Variants in CPEB2 observed in about 807,000 individuals in gnomAD.
CPEB2 encodes the protein cytoplasmic polyadenylation element binding protein 2, also known as cytoplasmic polyadenylation element-binding protein 2.
A neutral mutation model predicts 93.6 loss-of-function variants in CPEB2; 56 were observed. That is an observed-to-expected ratio of 0.60 (90% CI 0.48 to 0.75). CPEB2 has a LOEUF of 0.75. Among genes scored for constraint, CPEB2 ranks in the 30% least tolerant of loss-of-function variants. The pLI, the probability that CPEB2 is intolerant of heterozygous loss-of-function variation, is 0.00. For synonymous variants in CPEB2, 764 were observed against 586.3 expected, an observed-to-expected ratio of 1.30 and a Z score of -4.38; for missense variants, 1,579 against 1,395.1, an observed-to-expected ratio of 1.13 and a Z score of -2.10.
At chr4:15,051,971 T>G (rs907406495) in intron 6 of CPEB2, among the ~76,000 whole-genome samples, 3 of 152,246 alleles carry the variant, frequency 2.0e-5, no homozygotes, top group Non-Finnish European at 2.9e-5. Flanking sequence ...CAAGTATTAC[T>G]TGTTCTCCTC....
chr4:15,047,794 C>G (rs1056479824), intron 6 of CPEB2, among the ~76,000 whole-genome samples: 1 of 151,784 alleles, frequency 6.6e-6, no homozygotes, highest in Admixed American at 6.6e-5. Context: ...AACATCCTTC[C>G]AAACCTTCAA....
intron 4 of CPEB2, chr4:15,017,710 G>GA (rs1335579159): frequency 6.6e-6 from 1 of 151,724 alleles, no homozygotes; most frequent in East Asian, 1.9e-4. Flanking sequence ...GTTTTGAAAG[G>GA]GGGGGGAGTA....
At chr4:15,042,861 A>G (rs1727314793) in intron 6 of CPEB2, among the ~76,000 whole-genome samples, 1 of 152,138 alleles carries the variant, frequency 6.6e-6, no homozygotes, top group African/African-American at 2.4e-5. Context: ...TTTAACCACC[A>G]AACACCCCCT....
intron 4 of CPEB2, among the ~76,000 whole-genome samples, chr4:15,028,094 A>T (rs1359104406): frequency 6.6e-6 from 1 of 152,186 alleles, no homozygotes; most frequent in African/African-American, 2.4e-5. Flanking sequence ...GGCAGAGCAC[A>T]TGGCATTGTT....
intron 6 of CPEB2, among the ~76,000 whole-genome samples, chr4:15,050,522 A>G (rs1365998952): frequency 1.3e-5 from 2 of 152,036 alleles, no homozygotes; most frequent in African/African-American, 4.8e-5. Flanking sequence ...TCTTCATTTG[A>G]TCTCTATACG....
chr4:15,008,214 C>G, intron 2 of CPEB2, 124 bp from the exon 3 acceptor site: 1 of 584,252 alleles, frequency 1.7e-6, no homozygotes, highest in Non-Finnish European at 3.0e-6. Flanking sequence ...TTTTCTTAAA[C>G]CTTTAGAGGA....
chr4:15,054,042 G>A, intron 7 of CPEB2, 86 bp from the exon 8 acceptor site: 1 of 856,446 alleles, frequency 1.2e-6, no homozygotes. Flanking sequence ...ACTTTTAAAT[G>A]TTAAATCTTC....
rs974286825 is a variant in CPEB2 at position 15,066,720 on chromosome 4, G to A, written c.*340G>A. 1 of 209,982 alleles carries A rather than the reference G, an allele frequency of 4.8e-6. No homozygotes were observed. The highest frequency in any genetic ancestry group is 1.2e-4 in the East Asian group (1 of 8,652). 13.0% of individuals were successfully genotyped at this position (209,982 alleles called of 1,614,324 possible). ...TGCTGCTATATAGTGGGGGAAGCGTGCACTTATTTCTAAACATGGGTTTTT... is the reference window on the plus strand; with the variant it reads ...TGCTGCTATATAGTGGGGGAAGCGTACACTTATTTCTAAACATGGGTTTTT... On this transcript the variant is annotated 3_prime_UTR_variant, in exon 12 of 12. Coordinates refer to ENST00000538197, the MANE Select transcript of CPEB2 (RefSeq NM_001177382.2).
At chr4:15,030,304 T>G (rs1173642095) in intron 4 of CPEB2, among the ~76,000 whole-genome samples, 1 of 152,142 alleles carries the variant, frequency 6.6e-6, no homozygotes, top group Non-Finnish European at 1.5e-5. Flanking sequence ...AAGATAGCGA[T>G]TAAGAGTATG....
chr4:15,002,863 C>A lies in CPEB2; in HGVS notation c.190C>A (p.Pro64Thr). Residue 64 changes from proline (P) to threonine (T), a missense_variant, in exon 1 of 12, where the codon CCC becomes ACC. By Grantham distance (38) the Pro-to-Thr change is conservative (BLOSUM62 -1). Transcript: ENST00000538197. ...CACCGGCTTCTTAGAGGCCGCCTCCCCCTTCTCCGTCCCCCTCGGCGGCGG... is the reference window on the plus strand; with the variant it reads ...CACCGGCTTCTTAGAGGCCGCCTCCACCTTCTCCGTCCCCCTCGGCGGCGG... ...PVTGFLEAAS[P>T]FSVPLGGGAG... The A allele has an allele frequency of 6.5e-7, 1 of 1,533,518 alleles. No individual in the cohort carries two copies. The highest frequency in any genetic ancestry group is 2.0e-5 in the Admixed American group (1 of 50,668). The allele number at this position is 1,533,518 out of a possible 1,614,324, so 95.0% of individuals were successfully genotyped here. A position where few individuals can be genotyped will look rare whatever the true frequency, so the allele number is the denominator to read the frequency against.
intron 4 of CPEB2, among the ~76,000 whole-genome samples, chr4:15,027,615 A>G (rs968238917): frequency 6.6e-6 from 1 of 152,236 alleles, no homozygotes; most frequent in Non-Finnish European, 1.5e-5. Flanking sequence ...AAGTAAAGGT[A>G]AAATGTAGAT....
intron 3 of CPEB2, among the ~76,000 whole-genome samples, chr4:15,011,832 C>T (rs1423001039): frequency 6.6e-6 from 1 of 152,068 alleles, no homozygotes; most frequent in Admixed American, 6.5e-5. Context: ...TGCATGTCCG[C>T]CTGCCTTCCA....
At chr4:15,027,756 G>A (rs549260440) in intron 4 of CPEB2, among the ~76,000 whole-genome samples, 1 of 152,272 alleles carries the variant, frequency 6.6e-6, no homozygotes, top group South Asian at 2.1e-4. Context: ...AACACATACA[G>A]TATATAACAT....
intron 4 of CPEB2, among the ~76,000 whole-genome samples, chr4:15,020,322 A>G (rs956430267): frequency 7.2e-5 from 11 of 152,254 alleles, no homozygotes; most frequent in Admixed American, 5.2e-4. Flanking sequence ...TAAAAGGCAG[A>G]GTGGTAAATT....
At chr4:15,049,994 A>G (rs1283620675) in intron 6 of CPEB2, among the ~76,000 whole-genome samples, 2 of 152,174 alleles carry the variant, frequency 1.3e-5, no homozygotes, top group South Asian at 2.1e-4. Context: ...ATATTGTTCA[A>G]GATGTTCTAT....
intron 4 of CPEB2, among the ~76,000 whole-genome samples, chr4:15,022,376 T>C (rs1241585243): frequency 6.6e-6 from 1 of 152,198 alleles, no homozygotes; most frequent in Non-Finnish European, 1.5e-5. Context: ...AAGGGGTGCA[T>C]TTCTCAAAAC....
intron 4 of CPEB2, among the ~76,000 whole-genome samples, chr4:15,024,274 C>T (rs944734376): frequency 4.6e-5 from 7 of 151,940 alleles, no homozygotes; most frequent in African/African-American, 1.7e-4. Context: ...TAATGACTTA[C>T]ACCTTTGTTT....
intron 5 of CPEB2, among the ~76,000 whole-genome samples, chr4:15,039,645 T>C (rs1726981989): frequency 6.6e-6 from 1 of 152,232 alleles, no homozygotes; most frequent in South Asian, 2.1e-4. Flanking sequence ...TAGTTTCTTA[T>C]GAAAAAGAAA....
chr4:15,040,326 G>A lies in CPEB2; in HGVS notation c.2177-138G>A, dbSNP rs191247188. ...TGGTAAAACATTTAAATCTTATATG[G>A]TGACATTGTCATTGCTCTTAAAACA... On this transcript the variant is annotated intron_variant, in intron 5 of 11. Transcript: ENST00000538197. The A allele has an allele frequency of 4.8e-5, 32 of 668,630 alleles. No individual in the cohort carries two copies. The Admixed American group carries it at 7.2e-4, about 15-fold the overall frequency. The allele number at this position is 668,630 out of a possible 1,614,324, so 41.4% of individuals were successfully genotyped here. A position where few individuals can be genotyped will look rare whatever the true frequency, so the allele number is the denominator to read the frequency against.
Sources: allele counts gnomAD v4.1 joint callset (sites outside exome capture counted in the v4.1 genomes callset), GRCh38; gene constraint gnomAD v4.1.1; transcripts MANE v1.5; gene names NCBI Gene and HGNC (gene_info 2026-07-23, HGNC 2026-07-21).